The following TMOD2 variants were observed in gnomAD, a reference collection of about 807,000 sequenced individuals.
TMOD2 encodes tropomodulin 2.
In TMOD2, 22 loss-of-function variants were observed where a neutral mutation model predicts 39.9. The ratio of observed to expected loss-of-function variants is 0.55; its 90% confidence interval spans 0.39 to 0.79. The LOEUF is 0.79. Ranked by LOEUF, TMOD2 falls within the 30% of genes least tolerant of loss-of-function variation. TMOD2 has a pLI of 0.00. For missense variants in TMOD2, 386 were observed against 413.3 expected, an observed-to-expected ratio of 0.93 and a Z score of 0.57; for synonymous variants, 123 against 146.1, an observed-to-expected ratio of 0.84 and a Z score of 1.14.
chr15:51,785,146 C>T (rs2055959202), intron 7 of TMOD2, among the ~76,000 whole-genome samples: 1 of 152,158 alleles, frequency 6.6e-6, no homozygotes, highest in Non-Finnish European at 1.5e-5. Context: ...GGCGCGGTGG[C>T]TCACGCCTGT....
At chr15:51,776,672 C>A (rs951470340) in intron 4 of TMOD2, among the ~76,000 whole-genome samples, 3 of 152,102 alleles carry the variant, frequency 2.0e-5, no homozygotes, top group East Asian at 1.9e-4. Flanking sequence ...AAATTGTGGC[C>A]ATAATTAGCC....
chr15:51,755,371 C>T (rs1360949037), intron 1 of TMOD2, among the ~76,000 whole-genome samples: 1 of 152,206 alleles, frequency 6.6e-6, no homozygotes, highest in Non-Finnish European at 1.5e-5. Flanking sequence ...GTTTTGGCAT[C>T]AAGGCTGCCC....
intron 7 of TMOD2, among the ~76,000 whole-genome samples, chr15:51,796,170 C>A (rs2056050285): frequency 6.6e-6 from 1 of 152,082 alleles, no homozygotes; most frequent in Non-Finnish European, 1.5e-5. Flanking sequence ...TACCAACAGA[C>A]CTCTCCCTTA....
At chr15:51,792,662 C>T (rs890721921) in intron 7 of TMOD2, among the ~76,000 whole-genome samples, 1 of 152,190 alleles carries the variant, frequency 6.6e-6, no homozygotes, top group Non-Finnish European at 1.5e-5. Flanking sequence ...AGCACATATA[C>T]ACCATGGAAT....
intron 1 of TMOD2, among the ~76,000 whole-genome samples, chr15:51,759,524 G>A (rs946341830): frequency 1.3e-5 from 2 of 152,136 alleles, no homozygotes; most frequent in East Asian, 3.9e-4. Flanking sequence ...GGAGGAAGAA[G>A]AATTGCTAAA....
rs554091163 is a variant in TMOD2 at position 51,810,407 on chromosome 15, A to C, written c.*1953A>C. On this transcript the variant is annotated 3_prime_UTR_variant, in exon 10 of 10. Coordinates refer to ENST00000249700, the MANE Select transcript of TMOD2 (RefSeq NM_014548.4). Reference sequence around the variant, plus strand: ...ACATCTAGTAGGTATGTATGTAGAAATATTACCAAACAGTATGCTACTGAA... The same window carrying C: ...ACATCTAGTAGGTATGTATGTAGAACTATTACCAAACAGTATGCTACTGAA... The C allele has an allele frequency of 1.3e-5, 2 of 152,352 alleles. No individual in the cohort carries two copies. Among genetic ancestry groups the C allele is most frequent in the South Asian group, 4.1e-4 (2 of 4,824 alleles). 9.4% of individuals were successfully genotyped at this position (152,352 alleles called of 1,614,324 possible).
Position 51,777,028 on chromosome 15 carries a change from T to C in TMOD2, c.493+10T>C, listed in dbSNP as rs2055894141. ...AAAGGACCTGTCAGAAGTAAGTTGA[T>C]GTGCAATCTGTGGTTTTGTAAAGCT... On this transcript the variant is annotated intron_variant, in intron 5 of 9. Coordinates refer to ENST00000249700, the MANE Select transcript of TMOD2 (RefSeq NM_014548.4). 2 of 1,612,254 alleles carry C rather than the reference T, an allele frequency of 1.2e-6. No homozygotes were observed. The highest frequency in any genetic ancestry group is 1.7e-4 in the Middle Eastern group (1 of 6,056).
Position 51,806,439 on chromosome 15 carries a change from G to A in TMOD2, c.939G>A (p.Arg313=), listed in dbSNP as rs1285110182. The change falls in exon 9 of 10, where the codon AGG becomes AGA. Residue 313 remains arginine, a synonymous_variant. Transcript: ENST00000249700. The part of the protein sequence containing the change: ...EIAQMLEENS[R]ILKFGYQFTK... ...CCCAGATGCTGGAGGAGAATTCAAG[G>A]ATCCTCAAGTTTGGATACCAGTTTA... is the stretch of plus-strand genomic sequence containing the variant. The A allele has an allele frequency of 6.2e-7, 1 of 1,614,172 alleles. No homozygotes were observed. Among genetic ancestry groups the A allele is most frequent in the East Asian group, 2.2e-5 (1 of 44,892 alleles).
chr15:51,764,461 G>C (rs2055802640), intron 1 of TMOD2, among the ~76,000 whole-genome samples: 1 of 152,164 alleles, frequency 6.6e-6, no homozygotes, highest in African/African-American at 2.4e-5. Flanking sequence ...TAGCCCTTAA[G>C]AGGCCCACCT....
chr15:51,784,219 C>A (rs1339700669), intron 7 of TMOD2: 2 of 152,238 alleles, frequency 1.3e-5, no homozygotes, highest in Non-Finnish European at 2.9e-5. Flanking sequence ...ACACACAATG[C>A]CTGGCTGTCA....
chr15:51,752,651 A>T (rs2055714153), intron 1 of TMOD2: 1 of 152,266 alleles, frequency 6.6e-6, no homozygotes, highest in Admixed American at 6.5e-5. Flanking sequence ...CGTTTGGGCT[A>T]AATGATTTGT....
At chr15:51,784,825 T>C (rs530492589) in intron 7 of TMOD2, 3 of 152,280 alleles carry the variant, frequency 2.0e-5, no homozygotes, top group African/African-American at 7.2e-5. Flanking sequence ...GATAAAGAAA[T>C]GATTTGTCAC....
At chr15:51,807,948 A>G (rs149568996) in intron 9 of TMOD2, among the ~76,000 whole-genome samples, 1 of 152,318 alleles carries the variant, frequency 6.6e-6, no homozygotes. Flanking sequence ...ACCTTCCTGT[A>G]GGTTGATACT....
In TMOD2 at chr15:51,812,281, C is replaced by T. The variant is rs1027133859; in HGVS notation, c.*3827C>T. ...CCTAAGGGAAGACTGGCACACCAGC[C>T]CAAAGAGCAGGTGCTTCTCTTCCAA... On this transcript the variant is annotated 3_prime_UTR_variant, in exon 10 of 10. Transcript: ENST00000249700. The T allele has an allele frequency of 1.1e-4, 16 of 152,212 alleles. No homozygotes were observed. Among genetic ancestry groups the T allele is most frequent in the African/African-American group, 3.6e-4 (15 of 41,434 alleles). The allele number at this position is 152,212 out of a possible 1,614,324, so 9.4% of individuals were successfully genotyped here. A position where few individuals can be genotyped will look rare whatever the true frequency, so the allele number is the denominator to read the frequency against.
chr15:51,784,617 C>T (rs1156240506), intron 7 of TMOD2: 1 of 152,112 alleles, frequency 6.6e-6, no homozygotes, highest in Non-Finnish European at 1.5e-5. Flanking sequence ...TTTCTAAATT[C>T]GTAGCTTGAA....
At chr15:51,788,454 ATAT>A (rs2141631743) in intron 7 of TMOD2, among the ~76,000 whole-genome samples, 1 of 152,352 alleles carries the variant, frequency 6.6e-6, no homozygotes, top group East Asian at 1.9e-4. Flanking sequence ...ACTCTTCAGG[ATAT>A]TATCCAAGAG....
chr15:51,773,129 C>T (rs765227820), intron 3 of TMOD2, among the ~76,000 whole-genome samples: 2 of 152,148 alleles, frequency 1.3e-5, no homozygotes, highest in Non-Finnish European at 2.9e-5. Context: ...CACAAATAGC[C>T]TCCCCTTGAC....
rs200011446 is a variant in TMOD2, at chr15:51,768,216, A to G, written c.127-46A>G. On this transcript the variant is annotated intron_variant, in intron 2 of 9. Coordinates refer to ENST00000249700, the MANE Select transcript of TMOD2 (RefSeq NM_014548.4). ...GGTGGAAGAGGAAGTAGCAAAGTAC[A>G]GGCCGGCAGACATCTTCCTTCCTGC... 264 of 1,611,264 alleles carry G rather than the reference A, an allele frequency of 1.6e-4. 1 individual carries two copies. The highest frequency in any genetic ancestry group is 2.0e-4 in the East Asian group (9 of 44,848).
chr15:51,752,872 T>C (rs1415274772), intron 1 of TMOD2: 1 of 152,196 alleles, frequency 6.6e-6, no homozygotes, highest in Non-Finnish European at 1.5e-5. Context: ...ACCCAATAAA[T>C]ACGCATTGCA....
Sources: allele counts gnomAD v4.1 joint callset (sites outside exome capture counted in the v4.1 genomes callset), GRCh38; gene constraint gnomAD v4.1.1; transcripts MANE v1.5; gene names NCBI Gene and HGNC (gene_info 2026-07-23, HGNC 2026-07-21).